The following PHLPP2 variants were observed in gnomAD, a reference collection of about 807,000 sequenced individuals.
PHLPP2 encodes the protein PH domain and leucine rich repeat protein phosphatase 2, also known as PH domain leucine-rich repeat-containing protein phosphatase 2.
A neutral mutation model predicts 124.9 loss-of-function variants in PHLPP2; 66 were observed. The observed-to-expected ratio is 0.53, with a 90% CI of 0.43 to 0.65. The LOEUF (loss-of-function observed/expected upper bound fraction) is 0.65, where lower values mean the gene tolerates loss of function less well. Among genes scored for constraint, PHLPP2 ranks in the 30% least tolerant of loss-of-function variants. The probability of loss-of-function intolerance (pLI) is 0.00; values close to 1 mark genes in which losing one functional copy is unlikely to be tolerated. For missense variants in PHLPP2, 1,685 were observed against 1,600.4 expected, an observed-to-expected ratio of 1.05 and a Z score of -0.90; for synonymous variants, 681 against 624.7, an observed-to-expected ratio of 1.09 and a Z score of -1.34.
chr16:71,691,617 T>C (rs1442536705), intron 3 of PHLPP2, among the ~76,000 whole-genome samples: 3 of 152,102 alleles, frequency 2.0e-5, no homozygotes, highest in African/African-American at 7.2e-5. Flanking sequence ...AATTAGTAAC[T>C]ACAGGAGTAC....
In PHLPP2 at chr16:71,654,806, T is replaced by C. The variant is rs137986046; in HGVS notation, c.2585+434A>G. Among the ~76,000 whole-genome samples the C allele has an allele frequency of 3.0e-4, 46 of 152,358 alleles. No individual in the cohort carries two copies. In the East Asian group the frequency reaches 8.1e-3, roughly 27 times the overall value. On this transcript the variant is annotated intron_variant, in intron 17 of 18. Coordinates refer to ENST00000568954, the MANE Select transcript of PHLPP2 (RefSeq NM_015020.3). ...ATGGTTTTTGCCCTTAAGTGGCTTA[T>C]ACTTTACTTAGAAGATTAGTTTGGT...
intron 6 of PHLPP2, among the ~76,000 whole-genome samples, chr16:71,679,779 C>A (rs896629286): frequency 6.6e-6 from 1 of 152,106 alleles, no homozygotes; most frequent in African/African-American, 2.4e-5. Flanking sequence ...TCTCTTTTCT[C>A]CTTAAAAAGG....
chr16:71,652,683 A>G (rs2044704903), intron 18 of PHLPP2, 107 bp downstream of exon 18: 2 of 754,034 alleles, frequency 2.7e-6, no homozygotes, highest in Non-Finnish European at 4.5e-6. Flanking sequence ...TGGATTGGAT[A>G]CAATTTACAG....
At chr16:71,678,119 G>A (rs1449294207) in intron 8 of PHLPP2, 1 of 152,146 alleles carries the variant, frequency 6.6e-6, no homozygotes, top group Non-Finnish European at 1.5e-5. Context: ...ACTTGAGCCA[G>A]GGAGTTCAAG....
intron 4 of PHLPP2, among the ~76,000 whole-genome samples, chr16:71,688,118 T>C (rs992506854): frequency 6.6e-6 from 1 of 152,188 alleles, no homozygotes; most frequent in Non-Finnish European, 1.5e-5. Context: ...TGGCAAAGGG[T>C]CAAGCCATCC....
intron 1 of PHLPP2, among the ~76,000 whole-genome samples, chr16:71,718,480 T>A (rs1171201647): frequency 1.3e-5 from 2 of 151,244 alleles, no homozygotes; most frequent in African/African-American, 4.9e-5. Flanking sequence ...CTTGGGAGGC[T>A]GAGGCAAGGA....
At chr16:71,695,720 A>G (rs1217657322) in intron 3 of PHLPP2, among the ~76,000 whole-genome samples, 2 of 152,126 alleles carry the variant, frequency 1.3e-5, no homozygotes, top group Non-Finnish European at 2.9e-5. Flanking sequence ...CAGAAAAAAA[A>G]AAAAAAAGAA....
intron 13 of PHLPP2, among the ~76,000 whole-genome samples, chr16:71,663,317 G>A (rs935661727): frequency 6.6e-6 from 1 of 152,096 alleles, no homozygotes; most frequent in African/African-American, 2.4e-5. Context: ...TTCACCATAT[G>A]GGCCAGGCTG....
At chr16:71,724,014 C>T (rs961725230) in intron 1 of PHLPP2, 11 of 196,250 alleles carry the variant, frequency 5.6e-5, no homozygotes, top group African/African-American at 1.4e-4. Context: ...CTCCCGCAGC[C>T]CCGCTGGACC....
intron 6 of PHLPP2, among the ~76,000 whole-genome samples, chr16:71,680,474 G>C (rs1236667596): frequency 6.6e-6 from 1 of 152,156 alleles, no homozygotes; most frequent in East Asian, 1.9e-4. Context: ...GTCTTACCCA[G>C]AGATAGCATT....
At chr16:71,695,637 G>C (rs1047578428) in intron 3 of PHLPP2, among the ~76,000 whole-genome samples, 3 of 151,976 alleles carry the variant, frequency 2.0e-5, no homozygotes, top group South Asian at 2.1e-4. Context: ...TTGAACCTGG[G>C]GGGTGGAGGT....
At chr16:71,711,735 C>T (rs2045325455) in intron 2 of PHLPP2, among the ~76,000 whole-genome samples, 1 of 152,144 alleles carries the variant, frequency 6.6e-6, no homozygotes, top group African/African-American at 2.4e-5. Flanking sequence ...GAACATACTT[C>T]AGTAATCAGC....
At chr16:71,716,330 C>A (rs1188624475) in intron 1 of PHLPP2, among the ~76,000 whole-genome samples, 1 of 152,110 alleles carries the variant, frequency 6.6e-6, no homozygotes, top group Non-Finnish European at 1.5e-5. Context: ...CTTTACATCC[C>A]AAATAAGCCA....
intron 5 of PHLPP2, among the ~76,000 whole-genome samples, chr16:71,682,271 G>A (rs2045008042): frequency 6.8e-6 from 1 of 147,514 alleles, no homozygotes; most frequent in African/African-American, 2.5e-5. Flanking sequence ...AGGCTGGAGT[G>A]CAGTGGCACG....
At chr16:71,653,715 A>G (rs2044715969) in intron 17 of PHLPP2, among the ~76,000 whole-genome samples, 1 of 152,176 alleles carries the variant, frequency 6.6e-6, no homozygotes, top group African/African-American at 2.4e-5. Flanking sequence ...TACTTGCTAC[A>G]ATTCCTGGCT....
At chr16:71,689,586 C>T (rs1405063388) in intron 4 of PHLPP2, among the ~76,000 whole-genome samples, 5 of 151,598 alleles carry the variant, frequency 3.3e-5, no homozygotes, top group Non-Finnish European at 5.9e-5. Context: ...TTAGTAGAGA[C>T]GGGGTTTCAC....
chr16:71,656,526 G>C lies in PHLPP2; in HGVS notation c.2390+45C>G, dbSNP rs1025483842. On this transcript the variant is annotated intron_variant, in intron 16 of 18. Transcript: ENST00000568954. The stretch of plus-strand genomic sequence containing the variant: ...CATCAGGCCAGTTCTCAGATGCCAG[G>C]GGCTGCCTTTTTTCTTTCTCAGTCT... 4 of 1,120,746 alleles carry C rather than the reference G, an allele frequency of 3.6e-6. No homozygotes were observed. In the African/African-American group the frequency reaches 6.2e-5, roughly 17 times the overall value. 69.4% of individuals were successfully genotyped at this position (1,120,746 alleles called of 1,614,324 possible). A position where few individuals can be genotyped will look rare whatever the true frequency, so the allele number is the denominator to read the frequency against.
chr16:71,664,269 G>GGA (rs1567615032), intron 12 of PHLPP2, 170 bp from the exon 13 acceptor site: 2 of 608,442 alleles, frequency 3.3e-6, no homozygotes, highest in African/African-American at 1.9e-5. Flanking sequence ...CCAACCCAAA[G>GGA]TTCCTTTTAC....
chr16:71,669,904 C>T (rs1412509515), intron 10 of PHLPP2, among the ~76,000 whole-genome samples: 1 of 151,986 alleles, frequency 6.6e-6, no homozygotes, highest in Non-Finnish European at 1.5e-5. Context: ...AATTTTTTTT[C>T]AGATGTGACA....
Sources: allele counts gnomAD v4.1 joint callset (sites outside exome capture counted in the v4.1 genomes callset), GRCh38; gene constraint gnomAD v4.1.1; transcripts MANE v1.5; gene names NCBI Gene and HGNC (gene_info 2026-07-23, HGNC 2026-07-21).